GTF2E1: variants seen among roughly 807,000 people sequenced by gnomAD.
GTF2E1 encodes the protein TFIIE alpha subunit.
GTF2E1 carries 14 observed loss-of-function variants against 34.9 expected under a neutral mutation model. The observed-to-expected ratio is 0.40, with a 90% confidence interval of 0.27 to 0.63. The LOEUF is 0.63. Ranked by LOEUF, GTF2E1 falls within the 20% of genes least tolerant of loss-of-function variation. The pLI is 0.39. For missense variants in GTF2E1, 469 were observed against 557.7 expected (o/e 0.84, Z 1.60); for synonymous variants, 188 against 192.9 (o/e 0.97, Z 0.21).
chr3:120,776,498 A>G lies in GTF2E1; in HGVS notation c.726A>G (p.Lys242=). ...GGHHREAWAT[K]GPSYEDLYTQ... ...ACCACCGGGAAGCATGGGCCACCAA[A>G]GGTCCTTCCTATGAAGACTTATACA... is the stretch of plus-strand genomic sequence containing the variant. Residue 242 remains lysine (K), a synonymous_variant, in exon 4 of 5, where the codon AAA becomes AAG. Transcript: ENST00000283875. 1.9e-6 allele frequency: 3 copies of G among 1,613,920 alleles called. No homozygotes were observed. The highest frequency in any genetic ancestry group is 2.5e-6 in the Non-Finnish European group (3 of 1,179,856).
intron 3 of GTF2E1, among the ~76,000 whole-genome samples, chr3:120,775,995 T>C (rs1331989560): frequency 6.6e-6 from 1 of 152,198 alleles, no homozygotes; most frequent in Non-Finnish European, 1.5e-5. Context: ...TTGTTCTGGG[T>C]TGAGCTGAGA....
intron 2 of GTF2E1, among the ~76,000 whole-genome samples, chr3:120,766,218 T>C (rs2107610372): frequency 6.6e-6 from 1 of 152,314 alleles, no homozygotes; most frequent in South Asian, 2.1e-4. Context: ...TCAGCATTTG[T>C]GGCATGGAGC....
At chr3:120,744,832 T>C (rs545503706) in intron 1 of GTF2E1, among the ~76,000 whole-genome samples, 1 of 152,336 alleles carries the variant, frequency 6.6e-6, no homozygotes, top group South Asian at 2.1e-4. Flanking sequence ...CAGTACTTAA[T>C]TGAACTCTTA....
At chr3:120,775,110 A>G (rs999080500) in intron 3 of GTF2E1, among the ~76,000 whole-genome samples, 1 of 152,174 alleles carries the variant, frequency 6.6e-6, no homozygotes, top group African/African-American at 2.4e-5. Flanking sequence ...AGTATGAGTT[A>G]GAAAACCCCA....
chr3:120,779,566 G>A (rs758928335), intron 4 of GTF2E1, among the ~76,000 whole-genome samples: 3 of 152,158 alleles, frequency 2.0e-5, no homozygotes, highest in Non-Finnish European at 4.4e-5. Context: ...GGAGTTCTGT[G>A]CCTTCTAAAA....
chr3:120,781,224 C>G lies in GTF2E1; in HGVS notation c.1074C>G (p.Thr358=), dbSNP rs756817227. 6.2e-7 allele frequency: 1 copy of G among 1,614,044 alleles called. No homozygotes were observed. Among genetic ancestry groups the G allele is most frequent in the Non-Finnish European group, 8.5e-7 (1 of 1,179,938 alleles). Residue 358 remains threonine (T), a synonymous_variant, in exon 5 of 5, where the codon ACC becomes ACG. Transcript: ENST00000283875. ...AANGSDSESE[T]SESDDDSPPR... is the part of the protein sequence containing the mutation. ...ATGGCAGTGACTCAGAAAGCGAGAC[C>G]AGTGAGTCAGATGATGATTCTCCAC...
chr3:120,772,913 C>A (rs1158312435), intron 3 of GTF2E1, among the ~76,000 whole-genome samples: 1 of 152,070 alleles, frequency 6.6e-6, no homozygotes, highest in African/African-American at 2.4e-5. Flanking sequence ...ACAGTGACAC[C>A]AGAGGCCCAA....
At chr3:120,760,820 G>A (rs935471562) in intron 2 of GTF2E1, among the ~76,000 whole-genome samples, 4 of 152,044 alleles carry the variant, frequency 2.6e-5, no homozygotes, top group Non-Finnish European at 4.4e-5. Context: ...TGCTGGATTC[G>A]GTTTGCCAGT....
At chr3:120,761,072 TATTA>T (rs1158394486) in intron 2 of GTF2E1, among the ~76,000 whole-genome samples, 6 of 152,216 alleles carry the variant, frequency 3.9e-5, no homozygotes, top group African/African-American at 1.4e-4. Flanking sequence ...GTTGGTAGGC[TATTA>T]ATTATTGCCT....
intron 2 of GTF2E1, among the ~76,000 whole-genome samples, chr3:120,767,178 A>G (rs1026938541): frequency 3.3e-5 from 5 of 152,094 alleles, no homozygotes; most frequent in Non-Finnish European, 7.4e-5. Context: ...TTGGGAGACT[A>G]TTCTCCATGG....
intron 3 of GTF2E1, among the ~76,000 whole-genome samples, chr3:120,774,936 T>C (rs1709385832): frequency 6.6e-6 from 1 of 152,184 alleles, no homozygotes; most frequent in African/African-American, 2.4e-5. Context: ...TAACATTATT[T>C]TTTTGTTGCA....
chr3:120,754,217 A>G (rs574864011), intron 2 of GTF2E1, among the ~76,000 whole-genome samples: 28 of 152,268 alleles, frequency 1.8e-4, no homozygotes, highest in African/African-American at 6.7e-4. Context: ...CTCTTTTTAG[A>G]TGTTAAGGTT....
Position 120,748,563 on chromosome 3 carries a change from A to G in GTF2E1, c.-30-1960A>G, listed in dbSNP as rs533404177. 3.9e-5 allele frequency among the ~76,000 whole-genome samples: 6 copies of G among 152,096 alleles called. No individual in the cohort carries two copies. In the South Asian group the frequency reaches 1.2e-3, roughly 32 times the overall value. Reference sequence around the variant, plus strand: ...TTTGTCAAAGATCAGATAGTTGTAGATATGCAGCGTTATTTCTGAGGGCTC... The same window carrying G: ...TTTGTCAAAGATCAGATAGTTGTAGGTATGCAGCGTTATTTCTGAGGGCTC... On this transcript the variant is annotated intron_variant, in intron 1 of 4. Transcript: ENST00000283875.
intron 2 of GTF2E1, among the ~76,000 whole-genome samples, chr3:120,761,526 T>C (rs1709263028): frequency 6.6e-6 from 1 of 152,220 alleles, no homozygotes; most frequent in Non-Finnish European, 1.5e-5. Flanking sequence ...GCATCAATTT[T>C]AGATCTTTCC....
Position 120,750,550 on chromosome 3 carries a change from A to C in GTF2E1, c.-3A>C. ...TATTTAAAGTTGGAGTTCGTTGCTAAAGATGGCAGACCCAGATGTCCTCAC... is the reference window on the plus strand; with the variant it reads ...TATTTAAAGTTGGAGTTCGTTGCTACAGATGGCAGACCCAGATGTCCTCAC... On this transcript the variant is annotated 5_prime_UTR_variant, in exon 2 of 5. Transcript: ENST00000283875. The C allele has an allele frequency of 6.2e-7, 1 of 1,602,398 alleles. No individual in the cohort carries two copies. The highest frequency in any genetic ancestry group is 1.1e-5 in the South Asian group (1 of 90,588).
chr3:120,756,080 C>T (rs114757667), intron 2 of GTF2E1, among the ~76,000 whole-genome samples: 1,886 of 152,288 alleles, frequency 0.012, 17 homozygotes, highest in Non-Finnish European at 0.018. Context: ...CATGGGAATG[C>T]AGATACATCT....
intron 2 of GTF2E1, 141 bp downstream of exon 2, chr3:120,751,141 T>G (rs190843715): frequency 3.3e-6 from 2 of 607,902 alleles, no homozygotes; most frequent in East Asian, 5.6e-5. Context: ...ATACAGTCAG[T>G]CTTACTGTCC....
At position 120,742,946 on chromosome 3, in the gene GTF2E1, C is replaced by CAGGAGCGGCCCGTGTGCGACCT. The variant is rs1306695105; in HGVS notation, c.-31+152_-31+153insAGGAGCGGCCCGTGTGCGACCT. On this transcript the variant is annotated intron_variant, in intron 1 of 4. Transcript: ENST00000283875. ...TTGGTCCTCCAAAGAACCATTGACCCCGGAGCGGCCCGTGTGCGACCTCGG... is the reference window on the plus strand; with the variant it reads ...TTGGTCCTCCAAAGAACCATTGACCCAGGAGCGGCCCGTGTGCGACCTCGGAGCGGCCCGTGTGCGACCTCGG... 4.0e-5 allele frequency: 8 copies of CAGGAGCGGCCCGTGTGCGACCT among 198,620 alleles called. No individual in the cohort carries two copies. In the East Asian group the frequency reaches 1.1e-3, roughly 28 times the overall value. 12.3% of individuals were successfully genotyped at this position (198,620 alleles called of 1,614,324 possible).
intron 1 of GTF2E1, among the ~76,000 whole-genome samples, chr3:120,745,646 A>G (rs530528463): frequency 6.6e-6 from 1 of 152,318 alleles, no homozygotes; most frequent in African/African-American, 2.4e-5. Flanking sequence ...TGTATGGGGC[A>G]GGGAAGGAGA....
Sources: gnomAD v4.1 joint callset for allele counts (sites outside exome capture counted in the v4.1 genomes callset) on GRCh38, gnomAD v4.1.1 for gene constraint, MANE v1.5 for transcripts, NCBI Gene and HGNC (gene_info 2026-07-23, HGNC 2026-07-21) for gene names.